The following NFASC variants were observed in gnomAD, a reference collection of about 807,000 sequenced individuals.
NFASC encodes neurofascin.
In NFASC, 43 loss-of-function variants were observed where a neutral mutation model predicts 147.5. The ratio of observed to expected loss-of-function variants is 0.29; its 90% confidence interval spans 0.23 to 0.38. NFASC has a LOEUF of 0.38. Among genes scored for constraint, NFASC ranks in the 10% least tolerant of loss-of-function variants. NFASC has a pLI of 1.00. For synonymous variants in NFASC, 622 were observed against 665.5 expected, an observed-to-expected ratio of 0.93 and a Z score of 1.01; for missense variants, 1,320 against 1,689.0, an observed-to-expected ratio of 0.78 and a Z score of 3.83.
rs774176074 is a variant in NFASC at position 204,968,853 on chromosome 1, G to A, written c.874G>A (p.Ala292Thr). 3 of 1,613,928 alleles carry A rather than the reference G, an allele frequency of 1.9e-6. No individual in the cohort carries two copies. Among genetic ancestry groups the A allele is most frequent in the South Asian group, 1.1e-5 (1 of 91,054 alleles). Reference protein sequence around the residue: ...KKGGDLPSDKAKFENFNKALR... With the variant: ...KKGGDLPSDKTKFENFNKALR... The stretch of plus-strand genomic sequence containing the variant: ...AGGTGGGGACCTCCCATCTGATAAG[G>A]CCAAGTTTGAGAACTTTAATAAGGC... The change falls in exon 10 of 30, where the codon GCC becomes ACC. Residue 292 changes from alanine (A) to threonine (T), a missense_variant. By Grantham distance (58) the Ala-to-Thr change is moderately conservative. This residue lies in a region of NFASC where 981 missense variants were observed against 1,289.5 expected (regional missense o/e 0.76). Transcript: ENST00000339876. The surrounding 1 kb of genome is among the most constrained non-coding windows in gnomAD (Gnocchi z 5.4).
chr1:204,846,458 G>T (rs976027768), intron 1 of NFASC, among the ~76,000 whole-genome samples: 1 of 152,092 alleles, frequency 6.6e-6, no homozygotes, highest in Admixed American at 6.5e-5. Flanking sequence ...TGGGAGTGCG[G>T]CATGAATTAG....
chr1:204,900,235 A>G (rs1224782581), intron 1 of NFASC, among the ~76,000 whole-genome samples: 1 of 152,248 alleles, frequency 6.6e-6, no homozygotes, highest in Non-Finnish European at 1.5e-5. Flanking sequence ...TTCATGGTCA[A>G]TACTGTGCTT....
Position 204,907,254 on chromosome 1 carries a change from A to G in NFASC, c.-199-13378A>G, listed in dbSNP as rs189136384. 3.9e-5 allele frequency among the ~76,000 whole-genome samples: 6 copies of G among 152,280 alleles called. No individual in the cohort carries two copies. In the East Asian group the frequency reaches 1.2e-3, roughly 29 times the overall value. ...TGTGTTTGTTTGCCATACATATATC[A>G]TCTTCAATGAAGTGTCTGTTTAGCA... On this transcript the variant is annotated intron_variant, in intron 1 of 29. Transcript: ENST00000339876.
Position 204,954,811 on chromosome 1 carries a change from T to G in NFASC, c.413-18T>G, listed in dbSNP as rs1465333023. The G allele has an allele frequency of 4.3e-6, 7 of 1,613,816 alleles. No individual in the cohort carries two copies. The highest frequency in any genetic ancestry group is 5.9e-6 in the Non-Finnish European group (7 of 1,179,912). On this transcript the variant is annotated intron_variant, in intron 6 of 29. Transcript: ENST00000339876. This position sits in a 1 kb window ranked among gnomAD's most constrained non-coding sequence, Gnocchi z 5.7. Reference sequence around the variant, plus strand: ...AGCCATCACCCTCACTTTATCCTCTTTGTCCACTTCTCTCCAGAATCTCCT... The same window carrying G: ...AGCCATCACCCTCACTTTATCCTCTGTGTCCACTTCTCTCCAGAATCTCCT...
intron 26 of NFASC, among the ~76,000 whole-genome samples, chr1:205,002,265 C>T (rs546860972): frequency 6.6e-6 from 1 of 152,322 alleles, no homozygotes; most frequent in South Asian, 2.1e-4. Flanking sequence ...AAAAGTTAAT[C>T]GCTTCCAGGG....
chr1:204,850,839 G>A (rs746796859), intron 1 of NFASC, among the ~76,000 whole-genome samples: 5 of 152,110 alleles, frequency 3.3e-5, no homozygotes, highest in Non-Finnish European at 5.9e-5. Flanking sequence ...TTCATACAGT[G>A]GTTTTGCCCT....
intron 1 of NFASC, among the ~76,000 whole-genome samples, chr1:204,894,097 G>A (rs545510405): frequency 6.6e-6 from 1 of 152,292 alleles, no homozygotes; most frequent in Admixed American, 6.5e-5. Flanking sequence ...TCACCTCATA[G>A]TTATAAGCAT....
At chr1:204,897,753 G>T (rs2083673746) in intron 1 of NFASC, among the ~76,000 whole-genome samples, 1 of 143,976 alleles carries the variant, frequency 6.9e-6, no homozygotes. Flanking sequence ...TTTTTTTGGG[G>T]GGGGCAGAGT....
At chr1:204,976,069 G>T (rs2095396059) in intron 15 of NFASC, among the ~76,000 whole-genome samples, 1 of 152,124 alleles carries the variant, frequency 6.6e-6, no homozygotes, top group Non-Finnish European at 1.5e-5. Flanking sequence ...GCAAAGTTGT[G>T]CAGGGCCCTG....
rs1032715292 is a variant in NFASC, at chr1:204,968,603, G to A, written c.819-195G>A. 2.2e-5 allele frequency: 14 copies of A among 622,508 alleles called. No homozygotes were observed. Among genetic ancestry groups the A allele is most frequent in the Admixed American group, 1.8e-4 (6 of 34,036 alleles). The allele number at this position is 622,508 out of a possible 1,614,324, so 38.6% of individuals were successfully genotyped here. ...CATCCCGTAGATGCGTTAGAATCTCGTGGGACCTTAGCTAAGCCTTCAGGC... is the reference window on the plus strand; with the variant it reads ...CATCCCGTAGATGCGTTAGAATCTCATGGGACCTTAGCTAAGCCTTCAGGC... On this transcript the variant is annotated intron_variant, in intron 9 of 29. Transcript: ENST00000339876. The surrounding 1 kb of genome is among the most constrained non-coding windows in gnomAD (Gnocchi z 5.4).
chr1:204,877,010 ATAT>A (rs1558547684), intron 1 of NFASC, among the ~76,000 whole-genome samples: 1 of 111,030 alleles, frequency 9.0e-6, no homozygotes, highest in Non-Finnish European at 1.6e-5. Flanking sequence ...ATATATATAT[ATAT>A]ATATATATAT....
Position 204,968,581 on chromosome 1 carries a change from C to A in NFASC, c.819-217C>A. 1.6e-6 allele frequency: 1 copy of A among 614,510 alleles called. No individual in the cohort carries two copies. The highest frequency in any genetic ancestry group is 2.9e-6 in the Non-Finnish European group (1 of 350,118). 38.1% of individuals were successfully genotyped at this position (614,510 alleles called of 1,614,324 possible). On this transcript the variant is annotated intron_variant, in intron 9 of 29. Transcript: ENST00000339876. The surrounding 1 kb of genome is among the most constrained non-coding windows in gnomAD (Gnocchi z 5.4). ...ATGAGGAAAGAAGGTGATTAGGCATCCCGTAGATGCGTTAGAATCTCGTGG... is the reference window on the plus strand; with the variant it reads ...ATGAGGAAAGAAGGTGATTAGGCATACCGTAGATGCGTTAGAATCTCGTGG...
intron 20 of NFASC, 52 bp from the exon 21 acceptor site, chr1:204,981,746 G>T: frequency 8.1e-7 from 1 of 1,227,510 alleles, no homozygotes; most frequent in Non-Finnish European, 1.1e-6. Flanking sequence ...GCTGTGGGTG[G>T]ATCTGGGCCC....
chr1:204,984,386 T>TATATATATATATATATATATACGC (rs1553306652), intron 21 of NFASC: 4 of 59,162 alleles, frequency 6.8e-5, no homozygotes, highest in African/African-American at 2.4e-4. Flanking sequence ...TATACGCATA[T>TATATATATATATATATATATACGC]ATATATATAT....
Position 204,954,641 on chromosome 1 carries a change from C to T in NFASC, c.413-188C>T, listed in dbSNP as rs899544564. Among the ~76,000 whole-genome samples the T allele has an allele frequency of 3.3e-5, 5 of 152,234 alleles. No homozygotes were observed. The highest frequency in any genetic ancestry group is 3.3e-4 in the Admixed American group (5 of 15,304). On this transcript the variant is annotated intron_variant, in intron 6 of 29. Transcript: ENST00000339876. The surrounding 1 kb of genome is among the most constrained non-coding windows in gnomAD (Gnocchi z 5.7). ...GGAAAGGAGGGGAGCCTTGAAGATG[C>T]CTCCCTTCTCCTGCCTCTCAAGGGC...
chr1:204,868,857 C>T (rs1011637872), intron 1 of NFASC, among the ~76,000 whole-genome samples: 6 of 152,182 alleles, frequency 3.9e-5, no homozygotes, highest in Non-Finnish European at 7.3e-5. Flanking sequence ...CCTTTTGTTC[C>T]GCTTCAATGT....
chr1:204,924,506 G>C (rs1376503636), intron 2 of NFASC, among the ~76,000 whole-genome samples: 1 of 152,220 alleles, frequency 6.6e-6, no homozygotes, highest in Non-Finnish European at 1.5e-5. Flanking sequence ...CAGCTGTTTG[G>C]TGGATGTCAG....
chr1:204,997,182 T>G lies in NFASC; in HGVS notation c.2795T>G (p.Leu932Trp). 1 of 1,610,254 alleles carries G rather than the reference T, an allele frequency of 6.2e-7. No homozygotes were observed. The highest frequency in any genetic ancestry group is 1.1e-5 in the South Asian group (1 of 91,014). The change falls in exon 25 of 30, where the codon TTG (leucine) becomes TGG (tryptophan). Residue 932 changes from leucine (L) to tryptophan (W), a missense_variant. Leu to Trp is a moderately conservative substitution (Grantham distance 61, BLOSUM62 -2). Coordinates refer to ENST00000339876, the MANE Select transcript of NFASC (RefSeq NM_001005388.3). ...ATTTCCCTCTCAGCTCCTCCCACAT[T>G]GCCCCCGACTACCGTGGGTGCGACG... ...EATPTAAPPT[L>W]PPTTVGATGA...
At chr1:204,863,950 G>GAGAA (rs199543990) in intron 1 of NFASC, among the ~76,000 whole-genome samples, 1 of 149,980 alleles carries the variant, frequency 6.7e-6, no homozygotes, top group African/African-American at 2.4e-5. Flanking sequence ...GAGAGAAAGA[G>GAGAA]AGAAAGAAAG....
Sources: gnomAD v4.1 joint callset for allele counts (sites outside exome capture counted in the v4.1 genomes callset) on GRCh38, gnomAD v4.1.1 for gene constraint, gnomAD v4.1.1 regional missense constraint, Gnocchi (gnomAD v3.1) non-coding constraint, MANE v1.5 for transcripts, NCBI Gene and HGNC (gene_info 2026-07-23, HGNC 2026-07-21) for gene names.